PRKG1: variants seen among roughly 807,000 people sequenced by gnomAD.
PRKG1 encodes the protein cGMP-dependent protein kinase 1.
In PRKG1, 35 loss-of-function variants were observed where a neutral mutation model predicts 88.1. The observed-to-expected ratio is 0.40, with a 90% CI of 0.30 to 0.53. The LOEUF is 0.53. Among genes scored for constraint, PRKG1 ranks in the 20% least tolerant of loss-of-function variants. The pLI, the probability that PRKG1 is intolerant of heterozygous loss-of-function variation, is 0.59. For missense variants in PRKG1, 540 were observed against 839.8 expected (o/e 0.64, Z 4.41); for synonymous variants, 303 against 292.5 (o/e 1.04, Z -0.37).
intron 5 of PRKG1, among the ~76,000 whole-genome samples, chr10:52,040,620 G>T (rs2133229377): frequency 6.6e-6 from 1 of 152,226 alleles, no homozygotes; most frequent in Middle Eastern, 3.4e-3. Context: ...TCTCTGAAAG[G>T]AAATGGGAAC....
intron 5 of PRKG1, among the ~76,000 whole-genome samples, chr10:51,951,925 G>C (rs1163180774): frequency 6.6e-6 from 1 of 152,072 alleles, no homozygotes; most frequent in Non-Finnish European, 1.5e-5. Context: ...AAGAGTAATA[G>C]TTCATGCCAC....
chr10:51,105,969 A>G (rs1197489602), intron 1 of PRKG1, among the ~76,000 whole-genome samples: 1 of 152,224 alleles, frequency 6.6e-6, no homozygotes, highest in Non-Finnish European at 1.5e-5. Context: ...TTCCTACTTT[A>G]TAAGAGACAA....
At chr10:51,034,664 T>TTATTTTATA (rs1843328033) in intron 1 of PRKG1, among the ~76,000 whole-genome samples, 1 of 9,946 alleles carries the variant, frequency 1.0e-4, no homozygotes, top group South Asian at 2.9e-3. Context: ...ATATAATATG[T>TTATTTTATA]TATTTATATA....
intron 3 of PRKG1, among the ~76,000 whole-genome samples, chr10:51,797,501 T>G (rs1479225027): frequency 6.8e-6 from 1 of 146,454 alleles, no homozygotes; most frequent in African/African-American, 2.5e-5. Context: ...ATACATTATA[T>G]ATAAATATAG....
intron 4 of PRKG1, among the ~76,000 whole-genome samples, chr10:51,905,139 T>A (rs1842057699): frequency 6.6e-6 from 1 of 152,164 alleles, no homozygotes; most frequent in African/African-American, 2.4e-5. Context: ...TCAACCTACA[T>A]AACTCATGGC....
At chr10:52,146,649 C>G (rs576897634) in intron 8 of PRKG1, among the ~76,000 whole-genome samples, 1 of 152,156 alleles carries the variant, frequency 6.6e-6, no homozygotes, top group Admixed American at 6.5e-5. Context: ...TAGCAATTTA[C>G]CATGTTAATA....
At chr10:51,922,992 A>G (rs1475939658) in intron 5 of PRKG1, among the ~76,000 whole-genome samples, 1 of 152,082 alleles carries the variant, frequency 6.6e-6, no homozygotes, top group Non-Finnish European at 1.5e-5. Flanking sequence ...ATAACAGGGT[A>G]TTGAAATATC....
chr10:52,287,494 CA>C (rs943753140), intron 14 of PRKG1, among the ~76,000 whole-genome samples: 4 of 150,564 alleles, frequency 2.7e-5, no homozygotes, highest in East Asian at 1.9e-4. Flanking sequence ...ACATGAAAGG[CA>C]AAAAAAATAA....
intron 2 of PRKG1, among the ~76,000 whole-genome samples, chr10:51,296,828 T>A (rs1234472956): frequency 6.6e-6 from 1 of 152,158 alleles, no homozygotes; most frequent in Non-Finnish European, 1.5e-5. Context: ...TTTCATTTGC[T>A]CTGAAATTAA....
chr10:51,034,398 AGT>A (rs943788642), intron 1 of PRKG1, among the ~76,000 whole-genome samples: 5 of 151,986 alleles, frequency 3.3e-5, no homozygotes, highest in African/African-American at 7.2e-5. Context: ...TGCACTTCAC[AGT>A]GTGTGTCAGC....
chr10:51,164,213 G>T (rs974872342), intron 2 of PRKG1, among the ~76,000 whole-genome samples: 8 of 152,276 alleles, frequency 5.3e-5, no homozygotes, highest in African/African-American at 1.7e-4. Flanking sequence ...CCAGAGGAAC[G>T]ATCAGACAGC....
At chr10:52,286,534 G>A (rs977258155) in intron 14 of PRKG1, among the ~76,000 whole-genome samples, 1 of 151,940 alleles carries the variant, frequency 6.6e-6, no homozygotes, top group African/African-American at 2.4e-5. Context: ...ATTTAAATTT[G>A]GGTAATTGAA....
At chr10:51,393,863 C>T (rs1281063888) in intron 2 of PRKG1, among the ~76,000 whole-genome samples, 1 of 152,100 alleles carries the variant, frequency 6.6e-6, no homozygotes. Flanking sequence ...GTCACACAAT[C>T]ACACTGTACT....
chr10:52,279,147 G>A (rs1443565128), intron 12 of PRKG1, among the ~76,000 whole-genome samples: 2 of 151,980 alleles, frequency 1.3e-5, no homozygotes, highest in Non-Finnish European at 2.9e-5. Flanking sequence ...ACTTAATTAA[G>A]GGCGAAGAAG....
intron 2 of PRKG1, among the ~76,000 whole-genome samples, chr10:51,339,185 T>A (rs1030327646): frequency 6.6e-6 from 1 of 152,192 alleles, no homozygotes; most frequent in Non-Finnish European, 1.5e-5. Context: ...TCTCCTTTAC[T>A]TACCCTTCTT....
chr10:51,643,575 T>C (rs1218536091), intron 3 of PRKG1, among the ~76,000 whole-genome samples: 5 of 152,172 alleles, frequency 3.3e-5, no homozygotes, highest in African/African-American at 9.6e-5. Context: ...ATGACAAGCT[T>C]GACATAACTG....
intron 7 of PRKG1, among the ~76,000 whole-genome samples, chr10:52,097,684 G>A (rs1176777002): frequency 6.6e-6 from 1 of 151,612 alleles, no homozygotes; most frequent in African/African-American, 2.4e-5. Flanking sequence ...TCAATTATTT[G>A]ATGTCTTCAC....
intron 3 of PRKG1, among the ~76,000 whole-genome samples, chr10:51,594,418 C>T (rs576056902): frequency 6.6e-6 from 1 of 152,260 alleles, no homozygotes; most frequent in East Asian, 1.9e-4. Context: ...GTTGAATATA[C>T]ATAATAAATG....
rs538306961 is a variant in PRKG1, at chr10:51,332,356, C to T, written c.479-135367C>T. On this transcript the variant is annotated intron_variant, in intron 2 of 17. Transcript: ENST00000373980. ...ATGGGCCATGCTATTCCTTATAGAA[C>T]TTGGTACCGGACCTCAATTGTGACC... Among the ~76,000 whole-genome samples the T allele has an allele frequency of 2.0e-3, 299 of 152,176 alleles. 1 individual carries two copies. Among genetic ancestry groups the T allele is most frequent in the African/African-American group, 7.0e-3 (291 of 41,518 alleles).
Sources: gnomAD v4.1 joint callset for allele counts (sites outside exome capture counted in the v4.1 genomes callset) on GRCh38, gnomAD v4.1.1 for gene constraint, MANE v1.5 for transcripts, NCBI Gene and HGNC (gene_info 2026-07-23, HGNC 2026-07-21) for gene names.